The following CES5A variants were observed in gnomAD, a reference collection of about 807,000 sequenced individuals.
CES5A encodes the protein carboxylesterase 5A, also known as carboxylesterase 5.
A neutral mutation model predicts 62.9 loss-of-function variants in CES5A; 67 were observed. The ratio of observed to expected loss-of-function variants is 1.07; its 90% CI spans 0.88 to 1.31. CES5A has a LOEUF of 1.31. CES5A is among the 50% of genes most tolerant of loss of function. CES5A has a pLI of 0.00. For synonymous variants in CES5A, 296 were observed against 280.8 expected (o/e 1.05, Z -0.54); for missense variants, 748 against 708.5 (o/e 1.06, Z -0.63).
chr16:55,908,455 G>C (rs1835707017), intron 1 of CES5A, among the ~76,000 whole-genome samples: 1 of 152,104 alleles, frequency 6.6e-6, no homozygotes, highest in Admixed American at 6.5e-5. Context: ...CCACTTCCTG[G>C]GTTCAAGGGA....
At chr16:55,933,134 C>T (rs1027292721) in intron 2 of CES5A, among the ~76,000 whole-genome samples, 6 of 152,176 alleles carry the variant, frequency 3.9e-5, no homozygotes, top group Non-Finnish European at 8.8e-5. Flanking sequence ...CAAGGCCTAT[C>T]AGGGAAAGAG....
intron 1 of CES5A, among the ~76,000 whole-genome samples, chr16:55,917,481 T>C (rs756354091): frequency 1.3e-5 from 2 of 152,180 alleles, no homozygotes; most frequent in Non-Finnish European, 2.9e-5. Context: ...AACTCACCCA[T>C]GTGGTTGTTG....
At chr16:55,916,549 C>A (rs2142455033) in intron 1 of CES5A, among the ~76,000 whole-genome samples, 1 of 152,318 alleles carries the variant, frequency 6.6e-6, no homozygotes, top group Non-Finnish European at 1.5e-5. Flanking sequence ...ATTTCATTAA[C>A]TAATTAACCC....
chr16:55,883,710 C>A (rs1434837922), intron 1 of CES5A, among the ~76,000 whole-genome samples: 1 of 152,190 alleles, frequency 6.6e-6, no homozygotes, highest in African/African-American at 2.4e-5. Flanking sequence ...TCAGAGGTTT[C>A]TATTTCCGCT....
intron 6 of CES5A, among the ~76,000 whole-genome samples, 158 bp downstream of exon 6, chr16:55,863,190 C>G (rs541477321): frequency 1.8e-4 from 27 of 152,278 alleles, no homozygotes; most frequent in Non-Finnish European, 1.5e-5. Flanking sequence ...TCCTGTTGAA[C>G]CAGACCTTTC....
intron 2 of CES5A, among the ~76,000 whole-genome samples, chr16:55,932,903 A>G (rs1199907098): frequency 6.6e-6 from 1 of 152,242 alleles, no homozygotes; most frequent in South Asian, 2.1e-4. Context: ...AGGAGTAGGG[A>G]CATTAATTAG....
chr16:55,924,081 G>A (rs2034235424), intron 1 of CES5A, among the ~76,000 whole-genome samples: 1 of 151,822 alleles, frequency 6.6e-6, no homozygotes, highest in Non-Finnish European at 1.5e-5. Flanking sequence ...TTAGGCAAGA[G>A]AAAGAAATAA....
chr16:55,849,805 A>G, intron 10 of CES5A, 32 bp from the exon 11 acceptor site: 1 of 1,609,210 alleles, frequency 6.2e-7, no homozygotes. Context: ...TCAGGCATGC[A>G]TGCAGCGCGG....
Position 55,852,815 on chromosome 16 carries a change from T to C in CES5A, c.1273+66A>G, listed in dbSNP as rs138091649. ...GAGAAGGCAGCCGCTCAGTAGACAA[T>C]ATGGATTTCCGTGGCCACCAGCCTC... On this transcript the variant is annotated intron_variant, in intron 10 of 12. Transcript: ENST00000290567. 2.1e-3 allele frequency: 3,184 copies of C among 1,548,734 alleles called. 53 individuals carry two copies. In the South Asian group the frequency reaches 0.026, roughly 13 times the overall value.
intron 1 of CES5A, among the ~76,000 whole-genome samples, chr16:55,895,202 G>GT (rs367703014): frequency 0.015 from 2,276 of 151,718 alleles, 65 homozygotes; most frequent in African/African-American, 0.052. Context: ...TAATTTGGTT[G>GT]TTTTTTTTTC....
intron 2 of CES5A, among the ~76,000 whole-genome samples, chr16:55,939,671 C>A (rs1023938851): frequency 1.3e-5 from 2 of 151,974 alleles, no homozygotes; most frequent in African/African-American, 4.8e-5. Flanking sequence ...ACAAATAAGA[C>A]CTTACTGACA....
intron 2 of CES5A, among the ~76,000 whole-genome samples, chr16:55,934,178 A>G (rs2034343517): frequency 1.3e-5 from 2 of 152,220 alleles, no homozygotes; most frequent in East Asian, 1.9e-4. Flanking sequence ...CAACACTTTT[A>G]GAGTATTTAT....
chr16:55,894,882 T>C (rs1298182662), intron 1 of CES5A, among the ~76,000 whole-genome samples: 2 of 152,162 alleles, frequency 1.3e-5, no homozygotes, highest in Non-Finnish European at 2.9e-5. Flanking sequence ...GAGTCCCTTG[T>C]TGTGAATCCT....
At chr16:55,850,413 A>G (rs1309845267) in intron 10 of CES5A, among the ~76,000 whole-genome samples, 2 of 152,184 alleles carry the variant, frequency 1.3e-5, no homozygotes, top group Non-Finnish European at 2.9e-5. Context: ...GGAAAACACA[A>G]TTCTACTTTC....
At chr16:55,944,133 C>T (rs1359917000) in intron 2 of CES5A, 1 of 701,922 alleles carries the variant, frequency 1.4e-6, no homozygotes, top group Admixed American at 2.0e-5. Context: ...CTGACAACCT[C>T]TCTGTATTAC....
chr16:55,917,202 C>A (rs1354459838), intron 1 of CES5A, among the ~76,000 whole-genome samples: 4 of 152,228 alleles, frequency 2.6e-5, no homozygotes, highest in Non-Finnish European at 4.4e-5. Context: ...TAAACACTTA[C>A]TCCACCTTTG....
At chr16:55,884,258 T>C (rs1372635825) in intron 1 of CES5A, among the ~76,000 whole-genome samples, 1 of 152,240 alleles carries the variant, frequency 6.6e-6, no homozygotes, top group Non-Finnish European at 1.5e-5. Flanking sequence ...CTTGTGCTAC[T>C]CCTCCATGCT....
intron 2 of CES5A, among the ~76,000 whole-genome samples, chr16:55,937,967 G>A (rs954388633): frequency 2.6e-5 from 4 of 152,084 alleles, no homozygotes; most frequent in Non-Finnish European, 5.9e-5. Context: ...AGCAAAATTT[G>A]CCAAATACTA....
At chr16:55,871,805 G>GCAAACTTGC (rs1567334167) in intron 2 of CES5A, 42 bp from the exon 3 acceptor site, 2 of 1,607,190 alleles carry the variant, frequency 1.2e-6, no homozygotes, top group Non-Finnish European at 1.7e-6. Flanking sequence ...AAAGTTATCA[G>GCAAACTTGC]CAAACTTGCC....
Sources: allele counts gnomAD v4.1 joint callset (sites outside exome capture counted in the v4.1 genomes callset), GRCh38; gene constraint gnomAD v4.1.1; transcripts MANE v1.5; gene names NCBI Gene and HGNC (gene_info 2026-07-23, HGNC 2026-07-21).